The following PPP2R2B variants were observed in gnomAD, a reference collection of about 807,000 sequenced individuals.
PPP2R2B encodes protein phosphatase 2 regulatory subunit Bbeta.
In PPP2R2B, 5 loss-of-function variants were observed where a neutral mutation model predicts 46.0. That is an observed-to-expected ratio of 0.11 (90% CI 0.06 to 0.23). The LOEUF is 0.23. PPP2R2B is among the 10% of genes least tolerant of loss of function. The probability of loss-of-function intolerance (pLI) is 1.00; values close to 1 mark genes in which losing one functional copy is unlikely to be tolerated. For missense variants in PPP2R2B, 367 were observed against 575.0 expected (o/e 0.64, Z 3.70); for synonymous variants, 215 against 206.7 (o/e 1.04, Z -0.34).
intron 1 of PPP2R2B, among the ~76,000 whole-genome samples, chr5:146,895,614 G>C (rs564262522): frequency 1.3e-5 from 2 of 152,282 alleles, no homozygotes; most frequent in East Asian, 3.9e-4. Context: ...TGTTAAATGA[G>C]AGACTATAAC....
intron 1 of PPP2R2B, among the ~76,000 whole-genome samples, chr5:147,049,571 G>A (rs1414973825): frequency 6.6e-6 from 1 of 152,186 alleles, no homozygotes; most frequent in Non-Finnish European, 1.5e-5. Flanking sequence ...TATATGTTAA[G>A]GAGAAGACTG....
chr5:146,856,664 A>T, intron 2 of PPP2R2B: 2 of 989,600 alleles, frequency 2.0e-6, no homozygotes, highest in Non-Finnish European at 3.2e-6. Flanking sequence ...GTGCATTTAC[A>T]TACTTTCCAC....
intron 1 of PPP2R2B, among the ~76,000 whole-genome samples, chr5:147,025,323 A>T (rs1755474572): frequency 6.6e-6 from 1 of 152,062 alleles, no homozygotes. Flanking sequence ...TTGCAATAAT[A>T]AATTCCTTCA....
At chr5:146,829,054 T>A (rs1027336614) in intron 2 of PPP2R2B, among the ~76,000 whole-genome samples, 7 of 152,074 alleles carry the variant, frequency 4.6e-5, no homozygotes, top group South Asian at 2.1e-4. Flanking sequence ...AAAGAAAAAA[T>A]TTTTTAAAAA....
intron 2 of PPP2R2B, among the ~76,000 whole-genome samples, chr5:146,805,895 C>A (rs1201655771): frequency 6.6e-6 from 1 of 152,156 alleles, no homozygotes; most frequent in Non-Finnish European, 1.5e-5. Flanking sequence ...ATGAGTCTGA[C>A]TTCCTAGTTC....
In PPP2R2B at chr5:146,865,252, T is replaced by C. The variant is rs1761240381; in HGVS notation, c.70+12750A>G. 2.0e-5 allele frequency among the ~76,000 whole-genome samples: 3 copies of C among 151,810 alleles called. No homozygotes were observed. In the South Asian group the frequency reaches 6.2e-4, roughly 32 times the overall value. On this transcript the variant is annotated intron_variant, in intron 2 of 9. Coordinates refer to ENST00000394411, the MANE Select transcript of PPP2R2B (RefSeq NM_181675.4). ...ACCCTATAGATGATGTTGTTTTGCA[T>C]AGAATCCTAGCATTCTCCATTCATC...
intron 2 of PPP2R2B, among the ~76,000 whole-genome samples, chr5:147,079,964 G>A (rs12152738): frequency 0.51 from 77,381 of 151,892 alleles, 20,100 homozygotes; most frequent in Middle Eastern, 0.69. Context: ...ATGTGCAATC[G>A]TATCAATTTC....
At chr5:146,982,200 A>G (rs1753209541) in intron 1 of PPP2R2B, among the ~76,000 whole-genome samples, 1 of 152,142 alleles carries the variant, frequency 6.6e-6, no homozygotes. Context: ...TAATCTATAC[A>G]TTTAGTGCTA....
At chr5:146,654,068 G>A (rs1294409236) in intron 5 of PPP2R2B, among the ~76,000 whole-genome samples, 1 of 152,188 alleles carries the variant, frequency 6.6e-6, no homozygotes, top group East Asian at 1.9e-4. Context: ...AGGAGATCCG[G>A]ACACTATTCC....
chr5:146,965,876 C>G (rs1260120510), intron 1 of PPP2R2B, among the ~76,000 whole-genome samples: 1 of 152,186 alleles, frequency 6.6e-6, no homozygotes, highest in Non-Finnish European at 1.5e-5. Flanking sequence ...TGCATCCAGG[C>G]AAAGTGTTAC....
At chr5:146,992,786 A>G (rs991576075) in intron 1 of PPP2R2B, among the ~76,000 whole-genome samples, 1 of 152,232 alleles carries the variant, frequency 6.6e-6, no homozygotes, top group East Asian at 1.9e-4. Flanking sequence ...ATTTCATTAC[A>G]GACTCTTATA....
intron 1 of PPP2R2B, among the ~76,000 whole-genome samples, chr5:147,020,249 A>T (rs1007256975): frequency 6.6e-6 from 1 of 152,042 alleles, no homozygotes; most frequent in African/African-American, 2.4e-5. Flanking sequence ...CACTCCATTA[A>T]TGTACCCTCA....
intron 1 of PPP2R2B, among the ~76,000 whole-genome samples, chr5:146,961,386 T>G (rs1173610478): frequency 6.6e-6 from 1 of 152,208 alleles, no homozygotes; most frequent in African/African-American, 2.4e-5. Context: ...GCTGATGAAT[T>G]GTCTAGAAAG....
chr5:146,993,308 T>C (rs1243211888), intron 1 of PPP2R2B, among the ~76,000 whole-genome samples: 1 of 151,906 alleles, frequency 6.6e-6, no homozygotes, highest in Non-Finnish European at 1.5e-5. Context: ...AGTGACACCA[T>C]GTTGGCTCAC....
chr5:146,964,651 G>T (rs1359406130), intron 1 of PPP2R2B, among the ~76,000 whole-genome samples: 1 of 151,914 alleles, frequency 6.6e-6, no homozygotes, highest in Non-Finnish European at 1.5e-5. Flanking sequence ...TCAGCTTCCC[G>T]AGTAGCTGGG....
intron 2 of PPP2R2B, among the ~76,000 whole-genome samples, chr5:146,775,323 A>G (rs539021425): frequency 7.9e-5 from 12 of 152,330 alleles, no homozygotes; most frequent in African/African-American, 2.6e-4. Context: ...CCAGGATTGC[A>G]AAAGTGGTAA....
intron 2 of PPP2R2B, among the ~76,000 whole-genome samples, chr5:146,870,568 G>A (rs1342495609): frequency 6.6e-6 from 1 of 152,120 alleles, no homozygotes; most frequent in Non-Finnish European, 1.5e-5. Context: ...TGTTATTTAG[G>A]CAACCCAGTA....
intron 1 of PPP2R2B, among the ~76,000 whole-genome samples, chr5:146,927,034 A>G (rs1235660665): frequency 1.3e-5 from 2 of 152,162 alleles, no homozygotes; most frequent in Non-Finnish European, 2.9e-5. Context: ...ACTGGTCATC[A>G]TGGCTTGCTG....
chr5:146,811,263 G>T (rs1028932260), intron 2 of PPP2R2B, among the ~76,000 whole-genome samples: 2 of 152,158 alleles, frequency 1.3e-5, no homozygotes, highest in Non-Finnish European at 2.9e-5. Context: ...CTCTGAAAGT[G>T]CTGGGATTAC....
Sources: gnomAD v4.1 joint callset for allele counts (sites outside exome capture counted in the v4.1 genomes callset) on GRCh38, gnomAD v4.1.1 for gene constraint, MANE v1.5 for transcripts, NCBI Gene and HGNC (gene_info 2026-07-23, HGNC 2026-07-21) for gene names.